The following FIGN variants were observed in gnomAD, a reference collection of about 807,000 sequenced individuals.
The protein encoded by FIGN is fidgetin.
In FIGN, 11 loss-of-function variants were observed where a neutral mutation model predicts 51.3. That is an observed-to-expected ratio of 0.21 (90% confidence interval 0.13 to 0.35). FIGN has a LOEUF of 0.35. Ranked by LOEUF, FIGN falls within the 10% of genes least tolerant of loss-of-function variation. FIGN has a pLI of 1.00. For synonymous variants in FIGN, 407 were observed against 363.2 expected (o/e 1.12, Z -1.37); for missense variants, 857 against 943.6 (o/e 0.91, Z 1.20).
intron 2 of FIGN, among the ~76,000 whole-genome samples, chr2:163,637,817 G>GT (rs1683249384): frequency 6.6e-6 from 1 of 152,066 alleles, no homozygotes; most frequent in South Asian, 2.1e-4. Context: ...GTATCCTAGT[G>GT]TTTTTGGTCT....
chr2:163,671,554 A>C (rs1411261757), intron 2 of FIGN, among the ~76,000 whole-genome samples: 1 of 152,240 alleles, frequency 6.6e-6, no homozygotes, highest in East Asian at 1.9e-4. Flanking sequence ...GTCTGTGATC[A>C]GTCAACATAT....
chr2:163,734,732 G>A (rs1476233793), intron 2 of FIGN, among the ~76,000 whole-genome samples, 171 bp downstream of exon 2: 4 of 151,890 alleles, frequency 2.6e-5, no homozygotes, highest in Non-Finnish European at 5.9e-5. Context: ...ATACAAACAA[G>A]TGATAGCAAA....
At chr2:163,637,073 C>T (rs1283140698) in intron 2 of FIGN, among the ~76,000 whole-genome samples, 9 of 151,990 alleles carry the variant, frequency 5.9e-5, no homozygotes, top group South Asian at 2.1e-4. Context: ...AGTGAGACAC[C>T]GTCTCAAACA....
intron 2 of FIGN, among the ~76,000 whole-genome samples, chr2:163,702,998 CT>C (rs1291443492): frequency 1.1e-4 from 16 of 150,896 alleles, no homozygotes; most frequent in Non-Finnish European, 1.6e-4. Flanking sequence ...TGAGCAAGGT[CT>C]CCGCAAAATC....
chr2:163,660,242 G>A (rs1398719313), intron 2 of FIGN, among the ~76,000 whole-genome samples: 6 of 152,138 alleles, frequency 3.9e-5, no homozygotes, highest in Non-Finnish European at 5.9e-5. Flanking sequence ...AAATATTTCT[G>A]TAGTGCTCTA....
Position 163,679,495 on chromosome 2 carries a change from C to CAAA in FIGN, c.25+55405_25+55407dup, listed in dbSNP as rs57717811. On this transcript the variant is annotated intron_variant, in intron 2 of 2. Coordinates refer to ENST00000333129, the MANE Select transcript of FIGN (RefSeq NM_018086.4). The stretch of plus-strand genomic sequence containing the variant: ...TGGGCGACACTGCGAGACTCCGTCT[C>CAAA]AAAAAAAAAAAAATGTACACTATTT... Among the ~76,000 whole-genome samples, 338 of 143,980 alleles carry CAAA rather than the reference C, an allele frequency of 2.3e-3. 9 individuals are homozygous for CAAA. In the East Asian group the frequency reaches 0.047, roughly 20 times the overall value. 94.5% of individuals were successfully genotyped at this position (143,980 alleles called of 152,430 possible). A position where few individuals can be genotyped will look rare whatever the true frequency, so the allele number is the denominator to read the frequency against.
chr2:163,620,642 T>C (rs1210414159), intron 2 of FIGN, among the ~76,000 whole-genome samples: 1 of 152,168 alleles, frequency 6.6e-6, no homozygotes, highest in Non-Finnish European at 1.5e-5. Context: ...TTTGCAGAGA[T>C]AATAATTATC....
At chr2:163,611,966 TA>T (rs1190428181) in intron 2 of FIGN, among the ~76,000 whole-genome samples, 160 bp from the exon 3 acceptor site, 2 of 152,198 alleles carry the variant, frequency 1.3e-5, no homozygotes, top group African/African-American at 4.8e-5. Context: ...ATCCCTATAA[TA>T]AGTACTCTTT....
At chr2:163,636,047 A>G (rs1683220247) in intron 2 of FIGN, among the ~76,000 whole-genome samples, 2 of 152,220 alleles carry the variant, frequency 1.3e-5, no homozygotes, top group Admixed American at 6.5e-5. Context: ...AGAGAGTAGT[A>G]GGTACTTCCA....
At chr2:163,612,342 T>C (rs755558374) in intron 2 of FIGN, 1 of 985,298 alleles carries the variant, frequency 1.0e-6, no homozygotes, top group African/African-American at 1.7e-5. Context: ...TCTTATTTGG[T>C]ACTGAACACC....
intron 2 of FIGN, among the ~76,000 whole-genome samples, chr2:163,659,120 A>G (rs1037974617): frequency 6.6e-6 from 1 of 152,232 alleles, no homozygotes; most frequent in Non-Finnish European, 1.5e-5. Context: ...ACAAAAAAAA[A>G]TTCTAAAAAA....
chr2:163,716,026 C>T (rs1050983415), intron 2 of FIGN, among the ~76,000 whole-genome samples: 1 of 152,160 alleles, frequency 6.6e-6, no homozygotes, highest in African/African-American at 2.4e-5. Flanking sequence ...TGAATGATTC[C>T]TAGTAAACTA....
intron 2 of FIGN, among the ~76,000 whole-genome samples, chr2:163,655,486 A>G (rs904076454): frequency 2.6e-5 from 4 of 152,174 alleles, no homozygotes; most frequent in African/African-American, 9.7e-5. Flanking sequence ...AACATCATAT[A>G]TACCACAGCC....
chr2:163,704,650 TCTCTCTCACA>T (rs1359211503), intron 2 of FIGN, among the ~76,000 whole-genome samples: 3 of 132,972 alleles, frequency 2.3e-5, no homozygotes, highest in African/African-American at 8.9e-5. Flanking sequence ...TCTCTCTCTC[TCTCTCTCACA>T]CACACACACA....
intron 2 of FIGN, among the ~76,000 whole-genome samples, chr2:163,663,167 T>G (rs1683717519): frequency 1.3e-5 from 2 of 151,976 alleles, no homozygotes; most frequent in South Asian, 4.1e-4. Flanking sequence ...ATGATCCACC[T>G]GCCTTGACCT....
chr2:163,724,498 A>T (rs566061755), intron 2 of FIGN, among the ~76,000 whole-genome samples: 6 of 148,262 alleles, frequency 4.0e-5, no homozygotes, highest in African/African-American at 1.6e-4. Context: ...GGGCTTAGGC[A>T]AAAGTTTTTT....
intron 2 of FIGN, among the ~76,000 whole-genome samples, chr2:163,708,657 A>G (rs567596495): frequency 6.6e-6 from 1 of 152,314 alleles, no homozygotes; most frequent in South Asian, 2.1e-4. Context: ...AAATGCTTAT[A>G]ATAGTCTTAT....
At chr2:163,710,212 C>A (rs1684566090) in intron 2 of FIGN, among the ~76,000 whole-genome samples, 1 of 152,096 alleles carries the variant, frequency 6.6e-6, no homozygotes, top group Admixed American at 6.6e-5. Flanking sequence ...GAGCTACTTC[C>A]TTTATTTAGG....
At chr2:163,614,732 C>T (rs1682841493) in intron 2 of FIGN, among the ~76,000 whole-genome samples, 1 of 152,000 alleles carries the variant, frequency 6.6e-6, no homozygotes, top group Non-Finnish European at 1.5e-5. Context: ...GTTTGCTGAG[C>T]TAAGCCATTG....
Sources: allele counts gnomAD v4.1 joint callset (sites outside exome capture counted in the v4.1 genomes callset), GRCh38; gene constraint gnomAD v4.1.1; transcripts MANE v1.5; gene names NCBI Gene and HGNC (gene_info 2026-07-23, HGNC 2026-07-21).